The following GLMN variants were observed in gnomAD, a reference collection of about 807,000 sequenced individuals.
GLMN encodes glomulin.
A neutral mutation model predicts 87.8 loss-of-function variants in GLMN; 75 were observed. The observed-to-expected ratio is 0.85, with a 90% CI of 0.71 to 1.04. The LOEUF (loss-of-function observed/expected upper bound fraction) is 1.04, where lower values mean the gene tolerates loss of function less well. GLMN is among the 50% of genes least tolerant of loss of function. GLMN has a pLI of 0.00. For missense variants in GLMN, 588 were observed against 658.8 expected, an observed-to-expected ratio of 0.89 and a Z score of 1.18; for synonymous variants, 206 against 221.6, an observed-to-expected ratio of 0.93 and a Z score of 0.63.
At chr1:92,366,578 G>A in the GLMN span, among the ~76,000 whole-genome samples, 1 of 152,134 alleles carries the variant, frequency 6.6e-6, no homozygotes, top group South Asian at 2.1e-4. Flanking sequence ...GATGTTTTCG[G>A]TGTCTCACTA....
At chr1:92,322,209 G>T in the GLMN span, among the ~76,000 whole-genome samples, 1 of 151,512 alleles carries the variant, frequency 6.6e-6, no homozygotes, top group Non-Finnish European at 1.5e-5. Flanking sequence ...GCCTCCCAAG[G>T]TGCTGGGATT....
rs117861044 is a variant in GLMN, at chr1:92,297,840, G to A, written c.39+121C>T. 214 of 679,802 alleles carry A rather than the reference G, an allele frequency of 3.1e-4. 1 individual carries two copies. The East Asian group carries it at 5.0e-3, about 16-fold the overall frequency. 42.1% of individuals were successfully genotyped at this position (679,802 alleles called of 1,614,324 possible). A position where few individuals can be genotyped will look rare whatever the true frequency, so the allele number is the denominator to read the frequency against. On this transcript the variant is annotated intron_variant, in intron 2 of 18. Coordinates refer to ENST00000370360, the MANE Select transcript of GLMN (RefSeq NM_053274.3). ...CCTCCCCCACTCATGCTCTTTACAG[G>A]TCAAAAAAAGCAAGGATTAAAGAAG...
the GLMN span, among the ~76,000 whole-genome samples, chr1:92,339,517 C>A: frequency 2.0e-5 from 3 of 152,172 alleles, no homozygotes; most frequent in Admixed American, 6.5e-5. Flanking sequence ...TTCCCAGTCC[C>A]TTGGTTTTCC....
intron 16 of GLMN, among the ~76,000 whole-genome samples, chr1:92,257,005 C>A (rs2100827756): frequency 6.6e-6 from 1 of 152,198 alleles, no homozygotes; most frequent in South Asian, 2.1e-4. Context: ...TTTAGAAAAC[C>A]CCATCATCCC....
chr1:92,282,644 T>G (rs539526397), intron 7 of GLMN, among the ~76,000 whole-genome samples: 4 of 151,918 alleles, frequency 2.6e-5, no homozygotes, highest in Admixed American at 2.0e-4. Context: ...CTGAAGGAGA[T>G]AGAGACACAA....
chr1:92,304,653 CAT>C, the GLMN span, among the ~76,000 whole-genome samples: 1 of 152,154 alleles, frequency 6.6e-6, no homozygotes, highest in Admixed American at 6.5e-5. Flanking sequence ...AGACTAACCA[CAT>C]ATGTAGACAC....
At chr1:92,352,423 A>T in the GLMN span, among the ~76,000 whole-genome samples, 1 of 144,072 alleles carries the variant, frequency 6.9e-6, no homozygotes, top group Non-Finnish European at 1.5e-5. Context: ...GAAAGATGTG[A>T]GTAAGGCTTT....
chr1:92,262,872 AT>A lies in GLMN; in HGVS notation c.1463del (p.Asn488MetfsTer19). 2.6e-6 allele frequency: 3 copies of A among 1,140,112 alleles called. No individual in the cohort carries two copies. The highest frequency in any genetic ancestry group is 4.0e-6 in the Non-Finnish European group (3 of 753,002). 70.6% of individuals were successfully genotyped at this position (1,140,112 alleles called of 1,614,324 possible). A position where few individuals can be genotyped will look rare whatever the true frequency, so the allele number is the denominator to read the frequency against. On this transcript the variant is annotated frameshift_variant, in exon 16 of 19. Transcript: ENST00000370360. LOFTEE classifies it high-confidence loss of function. ...LRYLVIKDNENDNQTGLWTEL... is the reference protein window; with the variant it reads ...LRYLVIKDNEXDNQTGLWTEL... ...CAAATACTTCACTTACTTGATTGTC[AT>A]TTTCATTATCTTTGATAACCAAATA...
the GLMN span, among the ~76,000 whole-genome samples, chr1:92,319,536 G>T: frequency 6.6e-6 from 1 of 152,188 alleles, no homozygotes; most frequent in African/African-American, 2.4e-5. Flanking sequence ...GAAGGCTGAG[G>T]TGGGGGCAGT....
At chr1:92,250,912 T>C (rs1302861546) in intron 16 of GLMN, among the ~76,000 whole-genome samples, 3 of 152,206 alleles carry the variant, frequency 2.0e-5, no homozygotes, top group South Asian at 4.1e-4. Flanking sequence ...TATAGTGATA[T>C]AAAGTCATGT....
intron 2 of GLMN, 28 bp from the exon 3 acceptor site, chr1:92,297,557 A>C: frequency 6.4e-7 from 1 of 1,556,886 alleles, no homozygotes; most frequent in Non-Finnish European, 8.8e-7. Flanking sequence ...AACCCAAAAA[A>C]CAAACAAAAA....
At position 92,256,447 on chromosome 1, in the gene GLMN, C is replaced by CA. The variant is rs936111133; in HGVS notation, c.1473+6415dup. Among the ~76,000 whole-genome samples, 23 of 151,706 alleles carry CA rather than the reference C, an allele frequency of 1.5e-4. No homozygotes were observed. The East Asian group carries it at 2.3e-3, about 15-fold the overall frequency. On this transcript the variant is annotated intron_variant, in intron 16 of 18. Transcript: ENST00000370360. ...ATACCAAAACCTGGCAGAGACACAA[C>CA]AAAAAAAAGAAAATTTCAGGCCAAT...
At chr1:92,317,196 C>T in the GLMN span, among the ~76,000 whole-genome samples, 3 of 152,082 alleles carry the variant, frequency 2.0e-5, no homozygotes, top group Non-Finnish European at 4.4e-5. Context: ...CTCAAAACTT[C>T]GGTTTCCTCA....
the GLMN span, among the ~76,000 whole-genome samples, chr1:92,350,263 T>C: frequency 5.9e-5 from 9 of 152,228 alleles, no homozygotes; most frequent in Admixed American, 5.9e-4. Context: ...AATGTTCCTT[T>C]AATTCCTTTA....
chr1:92,325,731 T>A, the GLMN span, among the ~76,000 whole-genome samples: 1 of 152,044 alleles, frequency 6.6e-6, no homozygotes, highest in African/African-American at 2.4e-5. Context: ...ATATATCCCC[T>A]CCTAATCAGC....
At chr1:92,324,230 G>A in the GLMN span, 1 of 1,614,056 alleles carries the variant, frequency 6.2e-7, no homozygotes, top group South Asian at 1.1e-5. Context: ...TTACCTTTTA[G>A]GGGCTCAGGT....
At chr1:92,320,756 C>G in the GLMN span, 1 of 621,812 alleles carries the variant, frequency 1.6e-6, no homozygotes, top group Non-Finnish European at 2.8e-6. Flanking sequence ...GTGTCCCATT[C>G]TAGCCCACAC....
the GLMN span, among the ~76,000 whole-genome samples, chr1:92,356,699 T>C: frequency 2.0e-5 from 3 of 151,320 alleles, no homozygotes; most frequent in Non-Finnish European, 4.4e-5. Context: ...CCTTCCGAAG[T>C]GCTGGGATTA....
chr1:92,247,832 GACT>G (rs1282420348), intron 17 of GLMN, 43 bp downstream of exon 17: 4 of 791,214 alleles, frequency 5.1e-6, no homozygotes, highest in Non-Finnish European at 9.2e-6. Context: ...TCCAAAATTA[GACT>G]ACTTTTTAGA....
Sources: gnomAD v4.1 joint callset for allele counts (sites outside exome capture counted in the v4.1 genomes callset) on GRCh38, gnomAD v4.1.1 for gene constraint, MANE v1.5 for transcripts, NCBI Gene and HGNC (gene_info 2026-07-23, HGNC 2026-07-21) for gene names.